Variants in CALN1 observed in about 807,000 individuals in gnomAD.
CALN1 encodes the protein calneuron 1, also known as calcium-binding protein 8.
CALN1 carries 17 observed loss-of-function variants against 30.6 expected under a neutral mutation model. The observed-to-expected ratio is 0.56, with a 90% CI of 0.38 to 0.83. The LOEUF (loss-of-function observed/expected upper bound fraction) is 0.83. Among genes scored for constraint, CALN1 ranks in the 40% least tolerant of loss-of-function variants. The pLI is 0.00. For synonymous variants in CALN1, 156 were observed against 131.4 expected, an observed-to-expected ratio of 1.19 and a Z score of -1.28; for missense variants, 291 against 354.9, an observed-to-expected ratio of 0.82 and a Z score of 1.45.
At chr7:72,209,441 C>T (rs373222258) in intron 3 of CALN1, among the ~76,000 whole-genome samples, 7 of 111,892 alleles carry the variant, frequency 6.3e-5, no homozygotes, top group South Asian at 2.8e-4. Context: ...TCCTTCCCTC[C>T]TTCCTTCCTT....
chr7:72,357,979 G>C (rs186510153), intron 2 of CALN1, among the ~76,000 whole-genome samples: 1 of 150,532 alleles, frequency 6.6e-6, no homozygotes, highest in African/African-American at 2.5e-5. Context: ...TAATTTTTTT[G>C]TATTTTTAGT....
intron 5 of CALN1, among the ~76,000 whole-genome samples, chr7:71,875,137 C>T (rs1792165394): frequency 7.6e-6 from 1 of 132,020 alleles, no homozygotes; most frequent in South Asian, 2.4e-4. Context: ...TGTACTCCAG[C>T]CTGGGTAAAG....
chr7:71,952,729 C>T (rs989464427), intron 5 of CALN1, among the ~76,000 whole-genome samples: 1 of 152,018 alleles, frequency 6.6e-6, no homozygotes, highest in African/African-American at 2.4e-5. Context: ...TTCCCTCTTG[C>T]ACAATCTGCT....
chr7:71,939,504 C>G (rs933096127), intron 5 of CALN1, among the ~76,000 whole-genome samples: 1 of 149,630 alleles, frequency 6.7e-6, no homozygotes, highest in Non-Finnish European at 1.5e-5. Flanking sequence ...ACCTGGGAGG[C>G]AGAGGTTGCA....
At chr7:72,329,366 G>A (rs1801502896) in intron 2 of CALN1, among the ~76,000 whole-genome samples, 1 of 152,174 alleles carries the variant, frequency 6.6e-6, no homozygotes. Context: ...ATGATCTTTG[G>A]AAAATATAGA....
intron 4 of CALN1, among the ~76,000 whole-genome samples, chr7:72,048,049 T>G (rs950579288): frequency 6.6e-6 from 1 of 150,494 alleles, no homozygotes; most frequent in Non-Finnish European, 1.5e-5. Flanking sequence ...TTCTTTTTTT[T>G]TTTTTTTTGA....
At chr7:72,189,039 G>A (rs1251390709) in intron 3 of CALN1, among the ~76,000 whole-genome samples, 2 of 152,186 alleles carry the variant, frequency 1.3e-5, no homozygotes, top group African/African-American at 4.8e-5. Flanking sequence ...GAAGCAGAAG[G>A]AACTGCAAAG....
intron 2 of CALN1, among the ~76,000 whole-genome samples, chr7:72,401,761 G>C (rs547111176): frequency 6.6e-6 from 1 of 152,328 alleles, no homozygotes; most frequent in African/African-American, 2.4e-5. Context: ...AAAAAGATTT[G>C]TCTGTTTGCT....
chr7:71,993,026 G>C (rs1204483829), intron 5 of CALN1, among the ~76,000 whole-genome samples: 10 of 120,892 alleles, frequency 8.3e-5, no homozygotes, highest in Admixed American at 7.6e-4. Flanking sequence ...AGAAGAAAGA[G>C]AACCATTGGA....
chr7:72,086,216 T>C (rs1352564338), intron 4 of CALN1, among the ~76,000 whole-genome samples: 1 of 152,120 alleles, frequency 6.6e-6, no homozygotes, highest in African/African-American at 2.4e-5. Context: ...TGACATAAAC[T>C]AAATATTGTT....
chr7:72,414,493 C>A (rs1251977757), upstream of CALN1, among the ~76,000 whole-genome samples: 2 of 152,154 alleles, frequency 1.3e-5, no homozygotes, highest in African/African-American at 2.4e-5. Context: ...CCTCCCTGAA[C>A]TCACTCCCCA....
chr7:72,316,160 A>G (rs1800430683), intron 2 of CALN1, among the ~76,000 whole-genome samples: 1 of 49,248 alleles, frequency 2.0e-5, no homozygotes, highest in Non-Finnish European at 8.5e-5. Flanking sequence ...AAAAAGAAAG[A>G]AAGAAAAAAA....
intron 6 of CALN1, among the ~76,000 whole-genome samples, chr7:71,800,307 T>C (rs1251608751): frequency 6.6e-6 from 1 of 152,142 alleles, no homozygotes; most frequent in Non-Finnish European, 1.5e-5. Context: ...GTCACACAGC[T>C]AGTTGGCACA....
At chr7:71,828,568 T>C (rs1789066139) in intron 5 of CALN1, among the ~76,000 whole-genome samples, 1 of 151,978 alleles carries the variant, frequency 6.6e-6, no homozygotes, top group Non-Finnish European at 1.5e-5. Context: ...AATGCAACCA[T>C]CTGTCTCTCA....
chr7:72,292,886 G>C (rs1010684995), intron 2 of CALN1, among the ~76,000 whole-genome samples: 14 of 151,588 alleles, frequency 9.2e-5, no homozygotes, highest in Non-Finnish European at 1.5e-4. Flanking sequence ...TGAATTACAG[G>C]GGGCTGGGAA....
chr7:71,951,760 C>T (rs575344408), intron 5 of CALN1, among the ~76,000 whole-genome samples: 1 of 152,308 alleles, frequency 6.6e-6, no homozygotes, highest in Admixed American at 6.5e-5. Flanking sequence ...CAAAACTGAT[C>T]ACAGCCAGAA....
chr7:72,224,944 A>C (rs1027565760), intron 3 of CALN1, among the ~76,000 whole-genome samples: 26 of 150,494 alleles, frequency 1.7e-4, no homozygotes, highest in African/African-American at 6.1e-4. Flanking sequence ...CACACAAAAA[A>C]AAAATTAGCT....
At chr7:72,328,621 G>C (rs1457116655) in intron 2 of CALN1, among the ~76,000 whole-genome samples, 1 of 152,220 alleles carries the variant, frequency 6.6e-6, no homozygotes, top group Non-Finnish European at 1.5e-5. Flanking sequence ...CCCAAAATAA[G>C]ATGGTAGGGG....
In CALN1 at chr7:72,369,359, T is replaced by TTTTTGTTGTTGTTG. The variant is rs3030372; in HGVS notation, c.119+33891_119+33892insCAACAACAACAAAA. ...TATAAATATTATAAATATTTATTTT[T>TTTTTGTTGTTGTTG]TTGTTGTTGTTGTTTGTTTTTGAGA... On this transcript the variant is annotated intron_variant, in intron 2 of 6. Coordinates refer to ENST00000395275, the MANE Select transcript of CALN1 (RefSeq NM_031468.4). Among the ~76,000 whole-genome samples the TTTTTGTTGTTGTTG allele has an allele frequency of 1.1e-3, 160 of 146,708 alleles. 1 individual carries two copies. Among genetic ancestry groups the TTTTTGTTGTTGTTG allele is most frequent in the East Asian group, 1.6e-3 (8 of 5,094 alleles).
Sources: allele counts gnomAD v4.1 joint callset (sites outside exome capture counted in the v4.1 genomes callset), GRCh38; gene constraint gnomAD v4.1.1; transcripts MANE v1.5; gene names NCBI Gene and HGNC (gene_info 2026-07-23, HGNC 2026-07-21).